MRPL17: variants seen among roughly 807,000 people sequenced by gnomAD.
MRPL17 encodes the protein mitochondrial ribosomal protein L17, also known as large ribosomal subunit protein bL17m.
MRPL17 carries 8 observed loss-of-function variants against 12.0 expected under a neutral mutation model. The ratio of observed to expected loss-of-function variants is 0.67; its 90% CI spans 0.39 to 1.21. The LOEUF (loss-of-function observed/expected upper bound fraction) is 1.21. Ranked by LOEUF, MRPL17 falls within the 50% of genes most tolerant of loss-of-function variation. The probability of loss-of-function intolerance (pLI) is 0.01; values close to 1 mark genes in which losing one functional copy is unlikely to be tolerated. For missense variants in MRPL17, 263 were observed against 234.4 expected, an observed-to-expected ratio of 1.12 and a Z score of -0.80; for synonymous variants, 107 against 92.9, an observed-to-expected ratio of 1.15 and a Z score of -0.87.
Position 6,683,260 on chromosome 11 carries a change from G to T in MRPL17, c.37C>A (p.Arg13Ser). 9 of 1,613,948 alleles carry T rather than the reference G, an allele frequency of 5.6e-6. No homozygotes were observed. Among genetic ancestry groups the T allele is most frequent in the Non-Finnish European group, 7.6e-6 (9 of 1,179,924 alleles). The change falls in exon 1 of 3, where the codon CGC becomes AGC. Residue 13 changes from arginine to serine, a missense_variant. Physicochemically the swap from Arg to Ser is moderately radical, Grantham distance 110. Transcript: ENST00000288937. ...CCGAGGCCCATACGGCGAAATACGCGGCCATGGGAGATCGCTGCAGCGACC... is the reference window on the plus strand; with the variant it reads ...CCGAGGCCCATACGGCGAAATACGCTGCCATGGGAGATCGCTGCAGCGACC... ...LSVAAAISHGRVFRRMGLGPE... is the reference protein window; with the variant it reads ...LSVAAAISHGSVFRRMGLGPE...
chr11:6,680,704 A>T lies in MRPL17; in HGVS notation c.*1414T>A, dbSNP rs1846554972. ...AAGGAAAGTGGTTTCTCTAGAAGTT[A>T]GGTATGACTCCTAGATACCTAGCTA... is the stretch of plus-strand genomic sequence containing the variant. On this transcript the variant is annotated 3_prime_UTR_variant, in exon 3 of 3. Transcript: ENST00000288937. The T allele has an allele frequency of 6.6e-6, 1 of 152,232 alleles. No individual in the cohort carries two copies. The highest frequency in any genetic ancestry group is 1.5e-5 in the Non-Finnish European group (1 of 68,040). 9.4% of individuals were successfully genotyped at this position (152,232 alleles called of 1,614,324 possible).
chr11:6,682,860 G>C, intron 1 of MRPL17, 45 bp from the exon 2 acceptor site: 2 of 1,575,298 alleles, frequency 1.3e-6, no homozygotes, highest in Non-Finnish European at 1.7e-6. Context: ...AAGAAAACAA[G>C]GTGCCAATCT....
intron 2 of MRPL17, 138 bp downstream of exon 2, chr11:6,682,609 G>C: frequency 1.0e-6 from 1 of 990,616 alleles, no homozygotes; most frequent in Non-Finnish European, 1.6e-6. Flanking sequence ...ACTAACTTAA[G>C]ACACAGTTTC....
At position 6,681,810 on chromosome 11, in the gene MRPL17, A is replaced by G. The variant is rs1846566570; in HGVS notation, c.*308T>C. 2 of 180,980 alleles carry G rather than the reference A, an allele frequency of 1.1e-5. No individual in the cohort carries two copies. The highest frequency in any genetic ancestry group is 2.3e-5 in the Non-Finnish European group (2 of 88,032). The allele number at this position is 180,980 out of a possible 1,614,324, so 11.2% of individuals were successfully genotyped here. A position where few individuals can be genotyped will look rare whatever the true frequency, so the allele number is the denominator to read the frequency against. On this transcript the variant is annotated 3_prime_UTR_variant, in exon 3 of 3. Coordinates refer to ENST00000288937, the MANE Select transcript of MRPL17 (RefSeq NM_022061.4). ...AAAAACAAAATTGCACTAACCAAAA[A>G]TAACCCAAATTTAAGGACCAGAAGC...
chr11:6,682,697 C>CA (rs776293886), intron 2 of MRPL17, 50 bp downstream of exon 2: 1 of 1,575,172 alleles, frequency 6.3e-7, no homozygotes, highest in Admixed American at 1.7e-5. Flanking sequence ...CCAACCCCCA[C>CA]CCCCAGGGAG....
At chr11:6,683,039 T>C in intron 1 of MRPL17, 84 bp downstream of exon 1, 1 of 1,518,074 alleles carries the variant, frequency 6.6e-7, no homozygotes, top group Non-Finnish European at 8.9e-7. Flanking sequence ...TTTACCAGGT[T>C]GGTCCCGGTC....
chr11:6,683,271 A>C lies in MRPL17; in HGVS notation c.26T>G (p.Ile9Ser), dbSNP rs377074699. The C allele has an allele frequency of 1.9e-6, 3 of 1,613,162 alleles. No individual in the cohort carries two copies. In the African/African-American group the frequency reaches 4.0e-5, roughly 22 times the overall value. ...ACGGCGAAATACGCGGCCATGGGAG[A>C]TCGCTGCAGCGACCGACAGCCGCAT... MRLSVAAA[I>S]SHGRVFRRMG... is the part of the protein sequence containing the mutation. The change falls in exon 1 of 3, where the codon ATC (isoleucine) becomes AGC (serine). Residue 9 changes from isoleucine to serine, a missense_variant. By Grantham distance (142) the Ile-to-Ser change is moderately radical. Transcript: ENST00000288937.
At chr11:6,683,065 C>G (rs923979050) in intron 1 of MRPL17, 58 bp downstream of exon 1, 1 of 1,557,164 alleles carries the variant, frequency 6.4e-7, no homozygotes, top group African/African-American at 1.4e-5. Context: ...CCACTTGCAG[C>G]CGGCTCCGCC....
intron 1 of MRPL17, 108 bp downstream of exon 1, chr11:6,683,015 G>C (rs952655996): frequency 6.8e-7 from 1 of 1,463,110 alleles, no homozygotes; most frequent in African/African-American, 1.4e-5. Flanking sequence ...GGGGGACTCA[G>C]ACTTGGGGAA....
At chr11:6,682,921 T>G in intron 1 of MRPL17, 106 bp from the exon 2 acceptor site, 1 of 1,302,998 alleles carries the variant, frequency 7.7e-7, no homozygotes, top group Non-Finnish European at 1.1e-6. Flanking sequence ...GCCAAGCATC[T>G]CCAATCTACG....
In MRPL17 at chr11:6,682,404, T is replaced by C. The variant is rs1381852215; in HGVS notation, c.244-2A>G. The C allele has an allele frequency of 6.2e-7, 1 of 1,611,880 alleles. No individual in the cohort carries two copies. Among genetic ancestry groups the C allele is most frequent in the Non-Finnish European group, 8.5e-7 (1 of 1,178,200 alleles). On this transcript the variant is annotated splice_acceptor_variant, in intron 2 of 2. Coordinates refer to ENST00000288937, the MANE Select transcript of MRPL17 (RefSeq NM_022061.4). LOFTEE classifies it high-confidence loss of function. ...CAGCTTTGGGATCAAATCCTTCTCC[T>C]AGAGGGAGAATTATCCAAGAGACAG...
At chr11:6,682,518 C>A in intron 2 of MRPL17, 116 bp from the exon 3 acceptor site, 1 of 1,239,200 alleles carries the variant, frequency 8.1e-7, no homozygotes, top group Non-Finnish European at 1.1e-6. Flanking sequence ...TCCCCCTCCC[C>A]TCGCCAATCT....
chr11:6,680,863 A>G lies in MRPL17; in HGVS notation c.*1255T>C, dbSNP rs968759167. On this transcript the variant is annotated 3_prime_UTR_variant, in exon 3 of 3. Transcript: ENST00000288937. The stretch of plus-strand genomic sequence containing the variant: ...ATAAGAGCTTTCTGGCTATAGTGTG[A>G]AGAACAAACCATAGTAGAGAAAAAG... 1 of 152,242 alleles carries G rather than the reference A, an allele frequency of 6.6e-6. No individual in the cohort carries two copies. The highest frequency in any genetic ancestry group is 1.5e-5 in the Non-Finnish European group (1 of 68,044). 9.4% of individuals were successfully genotyped at this position (152,242 alleles called of 1,614,324 possible).
chr11:6,681,597 G>A lies in MRPL17; in HGVS notation c.*521C>T, dbSNP rs1846564189. On this transcript the variant is annotated 3_prime_UTR_variant, in exon 3 of 3. Coordinates refer to ENST00000288937, the MANE Select transcript of MRPL17 (RefSeq NM_022061.4). ...GGACTGATTGCAGTATCCCCTGAAG[G>A]TTCGCAGGGTACTAGATTGTTTAAG... The A allele has an allele frequency of 6.6e-6, 1 of 152,196 alleles. No homozygotes were observed. The highest frequency in any genetic ancestry group is 1.5e-5 in the Non-Finnish European group (1 of 68,066). The allele number at this position is 152,196 out of a possible 1,614,324, so 9.4% of individuals were successfully genotyped here.
At chr11:6,682,894 A>G in intron 1 of MRPL17, 79 bp from the exon 2 acceptor site, 1 of 1,445,104 alleles carries the variant, frequency 6.9e-7, no homozygotes, top group South Asian at 1.2e-5. Flanking sequence ...CCGGAAGGCA[A>G]TCCATTCTTT....
chr11:6,681,061 C>T lies in MRPL17; in HGVS notation c.*1057G>A, dbSNP rs1020104051. ...GTGGATGGGTTCAGTGGGCCAAATA[C>T]ACTCAGAAGATAGAGCCTAAGATAA... On this transcript the variant is annotated 3_prime_UTR_variant, in exon 3 of 3. Transcript: ENST00000288937. 7 of 152,182 alleles carry T rather than the reference C, an allele frequency of 4.6e-5. No homozygotes were observed. The highest frequency in any genetic ancestry group is 2.6e-4 in the Admixed American group (4 of 15,280). The allele number at this position is 152,182 out of a possible 1,614,324, so 9.4% of individuals were successfully genotyped here. A position where few individuals can be genotyped will look rare whatever the true frequency, so the allele number is the denominator to read the frequency against.
rs905546140 is a variant in MRPL17 at position 6,680,764 on chromosome 11, T to C, written c.*1354A>G. The C allele has an allele frequency of 6.6e-6, 1 of 152,220 alleles. No individual in the cohort carries two copies. Among genetic ancestry groups the C allele is most frequent in the Non-Finnish European group, 1.5e-5 (1 of 68,032 alleles). The allele number at this position is 152,220 out of a possible 1,614,324, so 9.4% of individuals were successfully genotyped here. ...TTCATGCTAAGACAGAAGAGGGGTA[T>C]ATTTTTTAGCAGAAGCAGAGTTGTA... On this transcript the variant is annotated 3_prime_UTR_variant, in exon 3 of 3. Coordinates refer to ENST00000288937, the MANE Select transcript of MRPL17 (RefSeq NM_022061.4).
rs1846559017 is a variant in MRPL17 at position 6,681,143 on chromosome 11, T to G, written c.*975A>C. ...GCAATTATCAGGCACTGCTATCAAGTGTTTGGACCAAGACTGATGGCTCCT... is the reference window on the plus strand; with the variant it reads ...GCAATTATCAGGCACTGCTATCAAGGGTTTGGACCAAGACTGATGGCTCCT... On this transcript the variant is annotated 3_prime_UTR_variant, in exon 3 of 3. Coordinates refer to ENST00000288937, the MANE Select transcript of MRPL17 (RefSeq NM_022061.4). 6.6e-6 allele frequency: 1 copy of G among 152,206 alleles called. No homozygotes were observed. The highest frequency in any genetic ancestry group is 2.4e-5 in the African/African-American group (1 of 41,442). The allele number at this position is 152,206 out of a possible 1,614,324, so 9.4% of individuals were successfully genotyped here. A position where few individuals can be genotyped will look rare whatever the true frequency, so the allele number is the denominator to read the frequency against.
chr11:6,680,686 G>A lies in MRPL17; in HGVS notation c.*1432C>T, dbSNP rs930137483. 5 of 152,192 alleles carry A rather than the reference G, an allele frequency of 3.3e-5. No individual in the cohort carries two copies. The highest frequency in any genetic ancestry group is 1.2e-4 in the African/African-American group (5 of 41,448). 9.4% of individuals were successfully genotyped at this position (152,192 alleles called of 1,614,324 possible). On this transcript the variant is annotated 3_prime_UTR_variant, in exon 3 of 3. Coordinates refer to ENST00000288937, the MANE Select transcript of MRPL17 (RefSeq NM_022061.4). ...AAATAAAGATGTGGTTTTAAGGAAA[G>A]TGGTTTCTCTAGAAGTTAGGTATGA...
Sources: allele counts gnomAD v4.1 joint callset, GRCh38; gene constraint gnomAD v4.1.1; transcripts MANE v1.5; gene names NCBI Gene and HGNC (gene_info 2026-07-23, HGNC 2026-07-21).